Variants in STK24 observed in about 807,000 individuals in gnomAD.
STK24 encodes the protein serine/threonine kinase 24, also known as serine/threonine-protein kinase 24.
A neutral mutation model predicts 55.6 loss-of-function variants in STK24; 21 were observed. That is an observed-to-expected ratio of 0.38 (90% CI 0.27 to 0.54). The LOEUF is 0.54. STK24 is among the 20% of genes least tolerant of loss of function. The pLI, the probability that STK24 is intolerant of heterozygous loss-of-function variation, is 0.79. For missense variants in STK24, 383 were observed against 538.4 expected (o/e 0.71, Z 2.86); for synonymous variants, 200 against 215.2 (o/e 0.93, Z 0.62).
intron 1 of STK24, among the ~76,000 whole-genome samples, chr13:98,528,285 G>A (rs139805106): frequency 1.5e-3 from 236 of 152,278 alleles, no homozygotes; most frequent in Middle Eastern, 0.01. Context: ...AAGACAGATG[G>A]AGGTATCTTC....
chr13:98,530,893 T>C (rs1448566379), intron 1 of STK24, among the ~76,000 whole-genome samples: 1 of 152,230 alleles, frequency 6.6e-6, no homozygotes, highest in East Asian at 1.9e-4. Context: ...ACTAACTCGC[T>C]GGCCATAACT....
At chr13:98,513,482 A>G (rs1305157571) in intron 2 of STK24, among the ~76,000 whole-genome samples, 1 of 152,088 alleles carries the variant, frequency 6.6e-6, no homozygotes, top group Non-Finnish European at 1.5e-5. Flanking sequence ...ATCTGCAGAC[A>G]CTGTCACCTG....
intron 1 of STK24, among the ~76,000 whole-genome samples, chr13:98,566,476 C>T (rs1388394451): frequency 6.6e-6 from 1 of 152,184 alleles, no homozygotes; most frequent in Non-Finnish European, 1.5e-5. Flanking sequence ...GTTTTCTAGC[C>T]GAGGCCTTGG....
At chr13:98,563,558 C>T (rs765176636) in intron 1 of STK24, among the ~76,000 whole-genome samples, 2 of 152,078 alleles carry the variant, frequency 1.3e-5, no homozygotes, top group East Asian at 1.9e-4. Flanking sequence ...TTTAAAATGC[C>T]GTATAAAACA....
At position 98,483,949 on chromosome 13, in the gene STK24, C is replaced by G. The variant is rs149199341; in HGVS notation, c.274-1628G>C. On this transcript the variant is annotated intron_variant, in intron 2 of 10. Transcript: ENST00000539966. ...TAATGTATGTTGAATGCTTTTCAAG[C>G]GTTTAAATGCCCTTGACTGCTAAGA... Among the ~76,000 whole-genome samples, 1,410 of 152,328 alleles carry G rather than the reference C, an allele frequency of 9.3e-3. 11 individuals carry two copies. Among genetic ancestry groups the G allele is most frequent in the Middle Eastern group, 0.054 (16 of 294 alleles).
chr13:98,526,304 G>A (rs1196816775), intron 1 of STK24, among the ~76,000 whole-genome samples: 6 of 152,132 alleles, frequency 3.9e-5, no homozygotes, highest in African/African-American at 1.4e-4. Context: ...TCCCCCTGCA[G>A]TGCACACAGC....
chr13:98,464,373 C>T (rs1387660035), intron 6 of STK24, among the ~76,000 whole-genome samples: 1 of 151,640 alleles, frequency 6.6e-6, no homozygotes, highest in Non-Finnish European at 1.5e-5. Context: ...GAGCCGAGAT[C>T]GCGCCACTGC....
At chr13:98,542,582 G>A (rs1896919197) in intron 1 of STK24, among the ~76,000 whole-genome samples, 1 of 152,124 alleles carries the variant, frequency 6.6e-6, no homozygotes, top group South Asian at 2.1e-4. Flanking sequence ...TGGCTTCCTA[G>A]ACCCAAGAAA....
At chr13:98,545,228 C>T (rs1896998461) in intron 1 of STK24, among the ~76,000 whole-genome samples, 1 of 152,234 alleles carries the variant, frequency 6.6e-6, no homozygotes, top group Non-Finnish European at 1.5e-5. Context: ...GAGATGTTAA[C>T]AGTATGTTCT....
intron 1 of STK24, chr13:98,542,779 ACTTTC>A: frequency 1.0e-6 from 1 of 954,380 alleles, no homozygotes; most frequent in South Asian, 4.8e-5. Context: ...GGTGCAATCT[ACTTTC>A]TATGCGTTTG....
rs538063899 is a variant in STK24 at position 98,460,529 on chromosome 13, G to A, written c.1054-89C>T. 5 of 1,102,324 alleles carry A rather than the reference G, an allele frequency of 4.5e-6. No homozygotes were observed. The East Asian group carries it at 1.2e-4, about 26-fold the overall frequency. The allele number at this position is 1,102,324 out of a possible 1,614,324, so 68.3% of individuals were successfully genotyped here. On this transcript the variant is annotated intron_variant, in intron 8 of 10. Transcript: ENST00000539966. The stretch of plus-strand genomic sequence containing the variant: ...TAAACCTCCCACCTGGACTATGGAA[G>A]CGCAGGAGTTGCCTCTACACTTCAC...
In STK24 at chr13:98,447,129, A is replaced by G; in HGVS notation, c.*6044T>C. 1 of 308,152 alleles carries G rather than the reference A, an allele frequency of 3.2e-6. No homozygotes were observed. The highest frequency in any genetic ancestry group is 2.1e-5 in the African/African-American group (1 of 47,070). 19.1% of individuals were successfully genotyped at this position (308,152 alleles called of 1,614,324 possible). A position where few individuals can be genotyped will look rare whatever the true frequency, so the allele number is the denominator to read the frequency against. On this transcript the variant is annotated 3_prime_UTR_variant, in exon 11 of 11. Coordinates refer to ENST00000539966, the MANE Select transcript of STK24 (RefSeq NM_001032296.4). ...CCAGTGAGACTGCCTACATGGTGTA[A>G]TGGCAGGGACTGCAGACTTCATTTA...
chr13:98,560,974 C>T (rs1897402479), intron 1 of STK24, among the ~76,000 whole-genome samples: 1 of 152,036 alleles, frequency 6.6e-6, no homozygotes, highest in Non-Finnish European at 1.5e-5. Flanking sequence ...CTCCCACAGC[C>T]ACTTCAAAGT....
At position 98,452,402 on chromosome 13, in the gene STK24, A is replaced by G. The variant is rs1318727288; in HGVS notation, c.*771T>C. 2 of 152,632 alleles carry G rather than the reference A, an allele frequency of 1.3e-5. No homozygotes were observed. The highest frequency in any genetic ancestry group is 4.8e-5 in the African/African-American group (2 of 41,446). The allele number at this position is 152,632 out of a possible 1,614,324, so 9.5% of individuals were successfully genotyped here. On this transcript the variant is annotated 3_prime_UTR_variant, in exon 11 of 11. Transcript: ENST00000539966. ...ATGTTCCAATTTAAAACACTAAGAA[A>G]TAGTACCATCGATGAAAAAGGAAAT...
chr13:98,499,143 C>T (rs563797824), intron 2 of STK24, among the ~76,000 whole-genome samples: 1 of 152,102 alleles, frequency 6.6e-6, no homozygotes, highest in East Asian at 1.9e-4. Flanking sequence ...GAGGCTGGGG[C>T]AGCAGAATCA....
chr13:98,497,995 C>G (rs2139337805), intron 2 of STK24, among the ~76,000 whole-genome samples: 2 of 152,284 alleles, frequency 1.3e-5, no homozygotes, highest in South Asian at 4.1e-4. Flanking sequence ...ATTTTGGTAC[C>G]AAGAGTGGTT....
At chr13:98,558,433 A>T (rs912281358) in intron 1 of STK24, among the ~76,000 whole-genome samples, 1 of 152,190 alleles carries the variant, frequency 6.6e-6, no homozygotes, top group Non-Finnish European at 1.5e-5. Flanking sequence ...AGAGCGGTAC[A>T]ACACCAGGAG....
intron 1 of STK24, among the ~76,000 whole-genome samples, chr13:98,532,633 A>C (rs538661585): frequency 3.3e-4 from 50 of 152,358 alleles, no homozygotes; most frequent in Non-Finnish European, 6.2e-4. Flanking sequence ...GTATTTATCA[A>C]ATACCTATCT....
chr13:98,568,794 G>C (rs1444998093), intron 1 of STK24, among the ~76,000 whole-genome samples: 2 of 152,098 alleles, frequency 1.3e-5, no homozygotes, highest in African/African-American at 2.4e-5. Context: ...CTGGAACCTG[G>C]GGGGGCAGAT....
Sources: allele counts gnomAD v4.1 joint callset (sites outside exome capture counted in the v4.1 genomes callset), GRCh38; gene constraint gnomAD v4.1.1; transcripts MANE v1.5; gene names NCBI Gene and HGNC (gene_info 2026-07-23, HGNC 2026-07-21).